The following ASNS variants were observed in gnomAD, a reference collection of about 807,000 sequenced individuals.
The protein encoded by ASNS is asparagine synthetase (glutamine-hydrolyzing), also known as asparagine synthetase [glutamine-hydrolyzing].
In ASNS, 37 loss-of-function variants were observed where a neutral mutation model predicts 62.6. That is an observed-to-expected ratio of 0.59 (90% CI 0.45 to 0.78). The LOEUF (loss-of-function observed/expected upper bound fraction) is 0.78, where lower values mean the gene tolerates loss of function less well. ASNS is among the 30% of genes least tolerant of loss of function. The pLI, the probability that ASNS is intolerant of heterozygous loss-of-function variation, is 0.00. For synonymous variants in ASNS, 207 were observed against 237.9 expected, an observed-to-expected ratio of 0.87 and a Z score of 1.19; for missense variants, 520 against 682.4, an observed-to-expected ratio of 0.76 and a Z score of 2.65.
chr7:97,888,018 G>T, the ASNS span, among the ~76,000 whole-genome samples: 1 of 152,276 alleles, frequency 6.6e-6, no homozygotes, highest in African/African-American at 2.4e-5. Context: ...TCTTTGCCTA[G>T]GCTAGAGTAC....
At chr7:97,888,140 A>AT in the ASNS span, among the ~76,000 whole-genome samples, 1 of 152,024 alleles carries the variant, frequency 6.6e-6, no homozygotes, top group South Asian at 2.1e-4. Context: ...TGCCTGGCTA[A>AT]TTTTTTTATT....
the ASNS span, among the ~76,000 whole-genome samples, chr7:97,921,660 T>G: frequency 6.6e-6 from 1 of 152,210 alleles, no homozygotes; most frequent in African/African-American, 2.4e-5. Flanking sequence ...TGCCATCTCA[T>G]GCCGAGGGAC....
the ASNS span, among the ~76,000 whole-genome samples, chr7:97,882,201 T>C: frequency 6.6e-6 from 1 of 152,136 alleles, no homozygotes; most frequent in Non-Finnish European, 1.5e-5. Context: ...ATCCAACCTT[T>C]TCCCAAGTCA....
intron 4 of ASNS, among the ~76,000 whole-genome samples, chr7:97,862,906 C>T (rs773684825): frequency 6.6e-6 from 1 of 152,154 alleles, no homozygotes. Flanking sequence ...AGATGCTGGA[C>T]ATCACTGTCA....
chr7:97,923,688 C>T, the ASNS span, among the ~76,000 whole-genome samples: 2 of 152,236 alleles, frequency 1.3e-5, no homozygotes, highest in Admixed American at 1.3e-4. Context: ...GCACACGTTG[C>T]CCCCTGGGTC....
At chr7:97,858,772 T>C in intron 6 of ASNS, 82 bp downstream of exon 6, 2 of 1,264,762 alleles carry the variant, frequency 1.6e-6, no homozygotes, top group Non-Finnish European at 2.2e-6. Flanking sequence ...AAATATTTTA[T>C]AGTAAAAACC....
intron 4 of ASNS, 88 bp downstream of exon 4, chr7:97,864,171 T>C: frequency 4.1e-6 from 5 of 1,212,746 alleles, no homozygotes; most frequent in Non-Finnish European, 5.7e-6. Flanking sequence ...AAATTCTGGA[T>C]TGCTCTCTAA....
At chr7:97,922,686 C>A in the ASNS span, among the ~76,000 whole-genome samples, 2 of 152,178 alleles carry the variant, frequency 1.3e-5, no homozygotes, top group Non-Finnish European at 2.9e-5. Context: ...GTTGTACCCT[C>A]TTGTACATAA....
chr7:97,876,238 T>G (rs1226150062), upstream of ASNS, among the ~76,000 whole-genome samples: 1 of 152,198 alleles, frequency 6.6e-6, no homozygotes, highest in African/African-American at 2.4e-5. Context: ...AAAGCAGAGC[T>G]TGGCTGTGAG....
At chr7:97,864,124 T>C in intron 4 of ASNS, 135 bp downstream of exon 4, 1 of 738,680 alleles carries the variant, frequency 1.4e-6, no homozygotes, top group Non-Finnish European at 2.2e-6. Flanking sequence ...TCTGTTTTTT[T>C]AAAAAAAGGT....
chr7:97,857,913 T>A (rs1288657230), intron 7 of ASNS, among the ~76,000 whole-genome samples: 1 of 152,098 alleles, frequency 6.6e-6, no homozygotes, highest in East Asian at 1.9e-4. Flanking sequence ...GGAGTTTCAT[T>A]ATGTTGCTCA....
the ASNS span, among the ~76,000 whole-genome samples, chr7:97,901,992 C>G: frequency 1.3e-5 from 2 of 151,982 alleles, no homozygotes; most frequent in Non-Finnish European, 2.9e-5. Flanking sequence ...AAAAAAAAAC[C>G]CTTAAGTGTG....
chr7:97,861,107 C>T (rs1233858259), intron 4 of ASNS, among the ~76,000 whole-genome samples: 2 of 149,284 alleles, frequency 1.3e-5, no homozygotes, highest in East Asian at 2.0e-4. Flanking sequence ...CCGCAAGCTC[C>T]GTCTCCCGGG....
At chr7:97,892,169 G>C in the ASNS span, among the ~76,000 whole-genome samples, 8 of 152,334 alleles carry the variant, frequency 5.3e-5, no homozygotes, top group East Asian at 9.7e-4. Flanking sequence ...GCTAAGGCTT[G>C]GGGCTTGCAC....
At chr7:97,862,251 T>C (rs1791755775) in intron 4 of ASNS, among the ~76,000 whole-genome samples, 1 of 152,078 alleles carries the variant, frequency 6.6e-6, no homozygotes, top group African/African-American at 2.4e-5. Flanking sequence ...ACATGTACCC[T>C]AGAACTTAAA....
Position 97,859,407 on chromosome 7 carries a change from T to C in ASNS, c.488-9A>G, listed in dbSNP as rs1464117335. 1 of 1,593,984 alleles carries C rather than the reference T, an allele frequency of 6.3e-7. No homozygotes were observed. The highest frequency in any genetic ancestry group is 1.3e-5 in the African/African-American group (1 of 74,114). On this transcript the variant is annotated splice_polypyrimidine_tract_variant and intron_variant, in intron 4 of 12. Transcript: ENST00000394308. ...CTTCAATGTAACAAGACCTAGAAAT[T>C]CACAATGATACCTTTATTCAAATTA...
chr7:97,866,397 C>T (rs1404153384), intron 3 of ASNS, among the ~76,000 whole-genome samples: 19 of 152,230 alleles, frequency 1.2e-4, no homozygotes, highest in South Asian at 2.1e-4. Flanking sequence ...ATGACGGTGG[C>T]GCTTTATTAG....
the ASNS span, among the ~76,000 whole-genome samples, chr7:97,918,492 G>A: frequency 6.6e-6 from 1 of 152,212 alleles, no homozygotes; most frequent in Non-Finnish European, 1.5e-5. Context: ...CAGAATAACT[G>A]CTGGGAGAAG....
At chr7:97,883,923 G>A in the ASNS span, among the ~76,000 whole-genome samples, 1 of 149,836 alleles carries the variant, frequency 6.7e-6, no homozygotes, top group Non-Finnish European at 1.5e-5. Flanking sequence ...GGGAGGTGGA[G>A]CTTGCAGTGA....
Sources: gnomAD v4.1 joint callset for allele counts (sites outside exome capture counted in the v4.1 genomes callset) on GRCh38, gnomAD v4.1.1 for gene constraint, MANE v1.5 for transcripts, NCBI Gene and HGNC (gene_info 2026-07-23, HGNC 2026-07-21) for gene names.